The following LPP variants were observed in gnomAD, a reference collection of about 807,000 sequenced individuals.
The protein encoded by LPP is LIM domain containing preferred translocation partner in lipoma.
Under a neutral mutation model 60.4 loss-of-function variants are expected in LPP, and 38 were observed. That is an observed-to-expected ratio of 0.63 (90% CI 0.49 to 0.83). The LOEUF (loss-of-function observed/expected upper bound fraction) is 0.83, where lower values mean the gene tolerates loss of function less well. LPP is among the 40% of genes least tolerant of loss of function. The pLI is 0.00. For missense variants in LPP, 902 were observed against 783.6 expected, an observed-to-expected ratio of 1.15 and a Z score of -1.80; for synonymous variants, 328 against 290.8, an observed-to-expected ratio of 1.13 and a Z score of -1.30.
chr3:188,766,378 C>CAAAAAAAAAAAAAAAAAAAAA lies in LPP; in HGVS notation c.1410+6106_1410+6107insAAAAAAAAAAAAAAAAAAAAA, dbSNP rs142374028. 3.4e-4 allele frequency among the ~76,000 whole-genome samples: 43 copies of CAAAAAAAAAAAAAAAAAAAAA among 124,674 alleles called. 1 individual carries two copies. Among genetic ancestry groups the CAAAAAAAAAAAAAAAAAAAAA allele is most frequent in the East Asian group, 1.3e-3 (5 of 3,948 alleles). 81.8% of individuals were successfully genotyped at this position (124,674 alleles called of 152,430 possible). A position where few individuals can be genotyped will look rare whatever the true frequency, so the allele number is the denominator to read the frequency against. ...CTTGAGCATTTGAGGCCTTAAAAAG[C>CAAAAAAAAAAAAAAAAAAAAA]AAAAAAAAAAGGTTAAAAATATTTA... On this transcript the variant is annotated intron_variant, in intron 9 of 11. Transcript: ENST00000617246.
chr3:188,518,256 A>T (rs78332855), intron 5 of LPP, among the ~76,000 whole-genome samples: 2 of 152,330 alleles, frequency 1.3e-5, no homozygotes, highest in South Asian at 2.1e-4. Context: ...TCCCCCACTG[A>T]TATTAGAAAG....
At chr3:188,392,114 T>C (rs972474354) in intron 3 of LPP, among the ~76,000 whole-genome samples, 1 of 152,220 alleles carries the variant, frequency 6.6e-6, no homozygotes, top group African/African-American at 2.4e-5. Flanking sequence ...TAAGGCTTTG[T>C]GTGTAGTAGA....
At chr3:188,489,376 G>A (rs1467732856) in intron 5 of LPP, among the ~76,000 whole-genome samples, 2 of 152,136 alleles carry the variant, frequency 1.3e-5, no homozygotes, top group Non-Finnish European at 2.9e-5. Flanking sequence ...GAGGCAAGAA[G>A]GATTCATAGA....
At chr3:188,172,063 G>A (rs1165827833) in intron 1 of LPP, among the ~76,000 whole-genome samples, 1 of 152,202 alleles carries the variant, frequency 6.6e-6, no homozygotes, top group African/African-American at 2.4e-5. Context: ...TGGTAACCTC[G>A]GCGAGGTTTG....
chr3:188,229,679 G>T (rs756675066), intron 2 of LPP, among the ~76,000 whole-genome samples: 13 of 152,202 alleles, frequency 8.5e-5, no homozygotes, highest in Non-Finnish European at 2.9e-5. Context: ...AGGTATGTTT[G>T]CTGTCCACGA....
chr3:188,259,877 C>T (rs1343489112), intron 2 of LPP, among the ~76,000 whole-genome samples: 1 of 151,938 alleles, frequency 6.6e-6, no homozygotes, highest in Non-Finnish European at 1.5e-5. Context: ...GAAAGGAGAG[C>T]CTGGCTTATT....
intron 6 of LPP, among the ~76,000 whole-genome samples, chr3:188,533,782 A>C (rs947452280): frequency 2.0e-5 from 3 of 152,196 alleles, no homozygotes; most frequent in Non-Finnish European, 4.4e-5. Flanking sequence ...ACAGTTAAAT[A>C]ACAATGATTT....
At chr3:188,475,960 G>A (rs1030355871) in intron 4 of LPP, among the ~76,000 whole-genome samples, 6 of 152,052 alleles carry the variant, frequency 3.9e-5, no homozygotes, top group South Asian at 4.2e-4. Flanking sequence ...TTCTTCCCCC[G>A]GATATGCCAA....
chr3:188,546,231 A>G (rs1826619941), intron 6 of LPP, among the ~76,000 whole-genome samples: 1 of 152,152 alleles, frequency 6.6e-6, no homozygotes, highest in South Asian at 2.1e-4. Flanking sequence ...CAGGCAATCT[A>G]GTTCTGGATC....
intron 7 of LPP, among the ~76,000 whole-genome samples, chr3:188,671,887 G>T (rs1288593034): frequency 6.6e-6 from 1 of 152,104 alleles, no homozygotes; most frequent in Non-Finnish European, 1.5e-5. Flanking sequence ...AGAAATGAGA[G>T]CTCTAAACAT....
intron 2 of LPP, among the ~76,000 whole-genome samples, chr3:188,237,448 G>A (rs948257658): frequency 2.0e-5 from 3 of 152,052 alleles, no homozygotes; most frequent in Admixed American, 6.6e-5. Flanking sequence ...TACTTTGTCC[G>A]CATTCATCTG....
intron 8 of LPP, among the ~76,000 whole-genome samples, chr3:188,753,580 CGTGTGTGTGTGTGTGTGTGTGT>C (rs141731350): frequency 7.2e-6 from 1 of 139,560 alleles, no homozygotes. Flanking sequence ...TTGTTGTGTG[CGTGTGTGTGTGTGTGTGTGTGT>C]GTGTGTGTGT....
At chr3:188,397,583 G>A (rs112586236) in intron 3 of LPP, among the ~76,000 whole-genome samples, 5,439 of 151,682 alleles carry the variant, frequency 0.036, 325 homozygotes, top group African/African-American at 0.13. Context: ...AAAGTGCAGC[G>A]TGGAGGCATG....
chr3:188,401,536 C>T (rs754653937), intron 3 of LPP, among the ~76,000 whole-genome samples: 2 of 152,202 alleles, frequency 1.3e-5, no homozygotes, highest in Non-Finnish European at 2.9e-5. Flanking sequence ...GTGTTGCTCT[C>T]TTTCTCTTTT....
At chr3:188,862,725 AAATAAAT>A (rs750202792) in intron 9 of LPP, among the ~76,000 whole-genome samples, 2 of 100,994 alleles carry the variant, frequency 2.0e-5, no homozygotes, top group Non-Finnish European at 4.6e-5. Context: ...AAAAATAAAT[AAATAAAT>A]AAATAAAAGA....
At chr3:188,650,491 GC>G (rs1169396344) in intron 7 of LPP, among the ~76,000 whole-genome samples, 1 of 152,108 alleles carries the variant, frequency 6.6e-6, no homozygotes, top group African/African-American at 2.4e-5. Flanking sequence ...CTATGCTTGT[GC>G]CCATCAGAGT....
At chr3:188,729,614 A>G (rs1382421452) in intron 8 of LPP, among the ~76,000 whole-genome samples, 4 of 152,200 alleles carry the variant, frequency 2.6e-5, no homozygotes, top group African/African-American at 9.6e-5. Flanking sequence ...GCAGAAATGC[A>G]AATCAAGCCA....
At chr3:188,475,890 A>G (rs1427061128) in intron 4 of LPP, among the ~76,000 whole-genome samples, 3 of 152,220 alleles carry the variant, frequency 2.0e-5, no homozygotes, top group Admixed American at 2.0e-4. Flanking sequence ...GCGACAGAGC[A>G]AAACTCTGTC....
At chr3:188,862,976 C>A (rs1765639819) in intron 9 of LPP, among the ~76,000 whole-genome samples, 2 of 152,018 alleles carry the variant, frequency 1.3e-5, no homozygotes, top group African/African-American at 4.8e-5. Flanking sequence ...AAATAATCAT[C>A]TATAACACAA....
Sources: gnomAD v4.1 joint callset for allele counts (sites outside exome capture counted in the v4.1 genomes callset) on GRCh38, gnomAD v4.1.1 for gene constraint, MANE v1.5 for transcripts, NCBI Gene and HGNC (gene_info 2026-07-23, HGNC 2026-07-21) for gene names.